Variants in TTN observed in about 807,000 individuals in gnomAD.
TTN encodes connectin.
Under a neutral mutation model 3,223.0 loss-of-function variants are expected in TTN, and 1,525 were observed. The ratio of observed to expected loss-of-function variants is 0.47; its 90% CI spans 0.45 to 0.49. The LOEUF is 0.49. TTN is among the 20% of genes least tolerant of loss of function. The probability of loss-of-function intolerance (pLI) is 0.00; values close to 1 mark genes in which losing one functional copy is unlikely to be tolerated. For synonymous variants in TTN, 14,094 were observed against 15,161.0 expected (o/e 0.93, Z 5.17); for missense variants, 40,786 against 43,424.0 (o/e 0.94, Z 5.40).
In TTN at chr2:178,782,358, T is replaced by C. The variant is rs759917847; in HGVS notation, c.3234A>G (p.Glu1078=). 1.2e-6 allele frequency: 2 copies of C among 1,613,950 alleles called. No individual in the cohort carries two copies. Among genetic ancestry groups the C allele is most frequent in the South Asian group, 2.2e-5 (2 of 91,082 alleles). The change falls in exon 20 of 363, where the codon GAA becomes GAG. Residue 1078 remains glutamate, a synonymous_variant. Coordinates refer to ENST00000589042, the MANE Select transcript of TTN (RefSeq NM_001267550.2). ...SLTEEQAGPG[E]PAAPYFITKP... Reference sequence around the variant, plus strand: ...TTGTAATAAAGTAAGGCGCGGCAGGTTCTCCAGGCCCTGCTTGTTCCTCTG... The same window carrying C: ...TTGTAATAAAGTAAGGCGCGGCAGGCTCTCCAGGCCCTGCTTGTTCCTCTG...
At position 178,719,823 on chromosome 2, in the gene TTN, C is replaced by A. The variant is rs370939248; in HGVS notation, c.23669G>T (p.Arg7890Ile). Residue 7890 changes from arginine (R) to isoleucine (I), a missense_variant, in exon 82 of 363, where the codon AGA (arginine) becomes ATA (isoleucine). By Grantham distance (97) the Arg-to-Ile change is moderately conservative (BLOSUM62 -3). Coordinates refer to ENST00000589042, the MANE Select transcript of TTN (RefSeq NM_001267550.2). ...SAVLTVLEPA[R>I]IIEKPEPMTV... Reference sequence around the variant, plus strand: ...CATGGGTTCGGGCTTCTCTATGATTCTTGCTGGTTCTAAAAGAAGAAGTAT... The same window carrying A: ...CATGGGTTCGGGCTTCTCTATGATTATTGCTGGTTCTAAAAGAAGAAGTAT... 25 of 1,603,304 alleles carry A rather than the reference C, an allele frequency of 1.6e-5. No individual in the cohort carries two copies. Among genetic ancestry groups the A allele is most frequent in the Non-Finnish European group, 1.8e-5 (21 of 1,173,960 alleles).
intron 215 of TTN, 43 bp downstream of exon 215, chr2:178,647,020 CT>C: frequency 1.4e-6 from 1 of 727,882 alleles, no homozygotes. Context: ...TAACAGGAAT[CT>C]TCAGGAGATT....
rs2154304590 is a variant in TTN, at chr2:178,725,930, T to A, written c.20392A>T (p.Lys6798Ter). The change falls in exon 70 of 363, where the codon AAG (lysine) becomes TAG (stop). Residue 6798 changes from lysine (K) to a stop codon, truncating the protein, a stop_gained. Transcript: ENST00000589042. LOFTEE classifies it high-confidence loss of function. The part of the protein sequence containing the change: ...PPFEVVWYKD[K>*]RQLRSSKKYK... Reference sequence around the variant, plus strand: ...TTCTTGCTGCTTCTGAGTTGCCGCTTGTCTTTGTACCATACCACCTCAAAC... The same window carrying A: ...TTCTTGCTGCTTCTGAGTTGCCGCTAGTCTTTGTACCATACCACCTCAAAC... 2 of 1,613,106 alleles carry A rather than the reference T, an allele frequency of 1.2e-6. No individual in the cohort carries two copies. Among genetic ancestry groups the A allele is most frequent in the Non-Finnish European group, 1.7e-6 (2 of 1,179,434 alleles).
At position 178,750,467 on chromosome 2, in the gene TTN, T is replaced by C. The variant is rs749508165; in HGVS notation, c.11311+2657A>G. The C allele has an allele frequency of 6.8e-6, 11 of 1,613,022 alleles. 1 individual carries two copies. In the South Asian group the frequency reaches 1.2e-4, roughly 18 times the overall value. ...ACGTGGGATTGGCATGTCATTGTTA[T>C]ACCACGTCACTATAGGTTGAGGATA... is the stretch of plus-strand genomic sequence containing the variant. On this transcript the variant is annotated intron_variant, in intron 47 of 362. Transcript: ENST00000589042.
chr2:178,631,261 G>A lies in TTN; in HGVS notation c.43787C>T (p.Thr14596Ile). ...AATAACTTCATCTTTCTCTACACCAGTATAATCTTGAAGTTTTCCTGTAAA... is the reference window on the plus strand; with the variant it reads ...AATAACTTCATCTTTCTCTACACCAATATAATCTTGAAGTTTTCCTGTAAA... ...PYFTGKLQDY[T>I]GVEKDEVILQ... The change falls in exon 237 of 363, where the codon ACT (threonine) becomes ATT (isoleucine). Residue 14596 changes from threonine (T) to isoleucine (I), a missense_variant. Thr to Ile is a moderately conservative substitution (Grantham distance 89, BLOSUM62 -1). Transcript: ENST00000589042. The A allele has an allele frequency of 1.2e-6, 2 of 1,611,298 alleles. No individual in the cohort carries two copies. The highest frequency in any genetic ancestry group is 1.7e-6 in the Non-Finnish European group (2 of 1,178,996).
rs778877970 is a variant in TTN, at chr2:178,591,984, G to T, written c.59920C>A (p.Pro19974Thr). 6.2e-7 allele frequency: 1 copy of T among 1,611,930 alleles called. No homozygotes were observed. Among genetic ancestry groups the T allele is most frequent in the African/African-American group, 1.3e-5 (1 of 74,774 alleles). The change falls in exon 302 of 363, where the codon CCT (proline) becomes ACT (threonine). Residue 19974 changes from proline (P) to threonine (T), a missense_variant. Transcript: ENST00000589042. ...TTCAGAGAAAGCAACTTACGGAGAG[G>T]ATCCAAAGCCTTGATTGGTTTTGGT... ...ETPKPIKALD[P>T]LHPPGPPKDL...
At chr2:178,754,903 C>T (rs1561070383) in intron 46 of TTN, among the ~76,000 whole-genome samples, 1 of 152,134 alleles carries the variant, frequency 6.6e-6, no homozygotes, top group Non-Finnish European at 1.5e-5. Context: ...AATCAATAAA[C>T]TGTATTCTCT....
At position 178,613,056 on chromosome 2, in the gene TTN, A is replaced by C. The variant is rs775268267; in HGVS notation, c.49665T>G (p.Pro16555=). 1 of 1,612,610 alleles carries C rather than the reference A, an allele frequency of 6.2e-7. No individual in the cohort carries two copies. Among genetic ancestry groups the C allele is most frequent in the South Asian group, 1.1e-5 (1 of 91,034 alleles). ...IKDPIDPPWP[P]GKPTVKDVGK... is the part of the protein sequence containing the mutation. Reference sequence around the variant, plus strand: ...CTACATCTTTTACAGTTGGTTTTCCAGGGGGCCATGGAGGATCTGCAAGCC... The same window carrying C: ...CTACATCTTTTACAGTTGGTTTTCCCGGGGGCCATGGAGGATCTGCAAGCC... Residue 16555 remains proline, a synonymous_variant, in exon 265 of 363, where the codon CCT becomes CCG. Coordinates refer to ENST00000589042, the MANE Select transcript of TTN (RefSeq NM_001267550.2).
chr2:178,771,854 A>C (rs925316576), intron 33 of TTN, among the ~76,000 whole-genome samples: 1 of 152,184 alleles, frequency 6.6e-6, no homozygotes, highest in Non-Finnish European at 1.5e-5. Context: ...AAATTTGCTA[A>C]ACAAAATGTA....
At position 178,573,428 on chromosome 2, in the gene TTN, G is replaced by A. The variant is rs1477680606; in HGVS notation, c.72704C>T (p.Thr24235Ile). Reference protein sequence around the residue: ...PPKNPEVTTITKDSMVVCWGH... With the variant: ...PPKNPEVTTIIKDSMVVCWGH... ...CCAGCAGACAACCATCGAATCTTTAGTAATAGTTGTCACTTCAGGGTTTTT... is the reference window on the plus strand; with the variant it reads ...CCAGCAGACAACCATCGAATCTTTAATAATAGTTGTCACTTCAGGGTTTTT... The change falls in exon 326 of 363, where the codon ACT becomes ATT. Residue 24235 changes from threonine (T) to isoleucine (I), a missense_variant. Physicochemically the swap from Thr to Ile is moderately conservative, Grantham distance 89 (BLOSUM62 -1). Coordinates refer to ENST00000589042, the MANE Select transcript of TTN (RefSeq NM_001267550.2). 3 of 1,518,592 alleles carry A rather than the reference G, an allele frequency of 2.0e-6. No homozygotes were observed. The highest frequency in any genetic ancestry group is 2.8e-5 in the African/African-American group (2 of 71,694). 94.1% of individuals were successfully genotyped at this position (1,518,592 alleles called of 1,614,324 possible).
Position 178,725,639 on chromosome 2 carries a change from T to C in TTN, c.20565A>G (p.Arg6855=). 1 of 1,580,938 alleles carries C rather than the reference T, an allele frequency of 6.3e-7. No individual in the cohort carries two copies. The highest frequency in any genetic ancestry group is 8.6e-7 in the Non-Finnish European group (1 of 1,162,384). Reference sequence around the variant, plus strand: ...TGAGGCTGTTCAGTTTGGAGACAAATCTTGGTGGTTCTGAACAGGAAAAGA... The same window carrying C: ...TGAGGCTGTTCAGTTTGGAGACAAACCTTGGTGGTTCTGAACAGGAAAAGA... ...VCTVKLKEPP[R]FVSKLNSLTV... Residue 6855 remains arginine (R), a synonymous_variant, in exon 71 of 363, where the codon AGA becomes AGG. Transcript: ENST00000589042.
At position 178,722,291 on chromosome 2, in the gene TTN, G is replaced by A; in HGVS notation, c.22496C>T (p.Thr7499Ile). Residue 7499 changes from threonine (T) to isoleucine (I), a missense_variant, in exon 77 of 363, where the codon ACA becomes ATA. By Grantham distance (89) the Thr-to-Ile change is moderately conservative (BLOSUM62 -1). Coordinates refer to ENST00000589042, the MANE Select transcript of TTN (RefSeq NM_001267550.2). Reference sequence around the variant, plus strand: ...TGTGAGTCTAGCACTAGAAGATGCTGTTCCAAGTGGGTTGGAAGCTGAGCA... The same window carrying A: ...TGTGAGTCTAGCACTAGAAGATGCTATTCCAAGTGGGTTGGAAGCTGAGCA... ...YSCSASNPLG[T>I]ASSSARLTAR... 2 of 1,607,068 alleles carry A rather than the reference G, an allele frequency of 1.2e-6. No homozygotes were observed. The highest frequency in any genetic ancestry group is 1.7e-6 in the Non-Finnish European group (2 of 1,176,532).
chr2:178,759,538 A>G (rs2088387811), intron 43 of TTN, among the ~76,000 whole-genome samples: 1 of 152,218 alleles, frequency 6.6e-6, no homozygotes, highest in Admixed American at 6.5e-5. Flanking sequence ...GTCATCAGGA[A>G]AGGTTTGATC....
rs1254629110 is a variant in TTN at position 178,607,394 on chromosome 2, T to C, written c.53287+7A>G. On this transcript the variant is annotated splice_region_variant and intron_variant, in intron 277 of 362. Coordinates refer to ENST00000589042, the MANE Select transcript of TTN (RefSeq NM_001267550.2). ...AATCCTGTGAAAATCAGTGCAACATTCCTTACCAAAAACTTCTACCCTGGC... is the reference window on the plus strand; with the variant it reads ...AATCCTGTGAAAATCAGTGCAACATCCCTTACCAAAAACTTCTACCCTGGC... 3 of 1,612,900 alleles carry C rather than the reference T, an allele frequency of 1.9e-6. No individual in the cohort carries two copies. The African/African-American group carries it at 4.0e-5, about 22-fold the overall frequency.
In TTN at chr2:178,599,629, C is replaced by T. The variant is rs748163322; in HGVS notation, c.56272G>A (p.Asp18758Asn). 6.2e-7 allele frequency: 1 copy of T among 1,612,042 alleles called. No individual in the cohort carries two copies. Among genetic ancestry groups the T allele is most frequent in the Non-Finnish European group, 8.5e-7 (1 of 1,178,962 alleles). ...TLVIPQSRRS[D>N]TGLYTITAVN... ...GCTGTGATGGTATATAAGCCAGTGT[C>T]ACTCCTGCGAGACTGCGGAATAACT... Residue 18758 changes from aspartate (D) to asparagine (N), a missense_variant, in exon 289 of 363, where the codon GAC (aspartate) becomes AAC (asparagine). Asp to Asn is a conservative substitution (Grantham distance 23, BLOSUM62 1). Coordinates refer to ENST00000589042, the MANE Select transcript of TTN (RefSeq NM_001267550.2).
chr2:178,582,602 T>G lies in TTN; in HGVS notation c.65864-10A>C, dbSNP rs1173316244. On this transcript the variant is annotated splice_polypyrimidine_tract_variant and intron_variant, in intron 313 of 362. Coordinates refer to ENST00000589042, the MANE Select transcript of TTN (RefSeq NM_001267550.2). ...GGAGGACCCGGTTTATCTGAAGGAA[T>G]AAGGAAGAAGAGTGAATATGTGGAA... 3 of 1,594,594 alleles carry G rather than the reference T, an allele frequency of 1.9e-6. No homozygotes were observed. The Admixed American group carries it at 5.1e-5, about 27-fold the overall frequency.
intron 16 of TTN, 60 bp downstream of exon 16, chr2:178,784,010 A>G: frequency 1.9e-6 from 3 of 1,609,966 alleles, no homozygotes; most frequent in Non-Finnish European, 2.5e-6. Flanking sequence ...CAAACTAGCC[A>G]ACCACCTGGC....
Position 178,731,129 on chromosome 2 carries a change from A to G in TTN, c.17536T>C (p.Phe5846Leu). 6.2e-7 allele frequency: 1 copy of G among 1,613,720 alleles called. No homozygotes were observed. ...GCTGTAATCTCCTTAGTCCCTGAAA[A>G]TTTAACCTGCAAAGTGGCTGGGTCT... Reference protein sequence around the residue: ...QGDPATLQVKFSGTKEITAKW... With the variant: ...QGDPATLQVKLSGTKEITAKW... Residue 5846 changes from phenylalanine (F) to leucine (L), a missense_variant, in exon 60 of 363, where the codon TTT (phenylalanine) becomes CTT (leucine). By Grantham distance (22) the Phe-to-Leu change is conservative. Transcript: ENST00000589042.
In TTN at chr2:178,735,800, C is replaced by G. The variant is rs1197344089; in HGVS notation, c.14646G>C (p.Leu4882Phe). ...KFGADICQAELIIIDKPHFIK... is the reference protein window; with the variant it reads ...KFGADICQAEFIIIDKPHFIK... ...TGAAATGTGGCTTATCAATGATGAT[C>G]AACTCTGCTTGGCAGATGTCTGCTC... is the stretch of plus-strand genomic sequence containing the variant. The change falls in exon 50 of 363, where the codon TTG (leucine) becomes TTC (phenylalanine). Residue 4882 changes from leucine (L) to phenylalanine (F), a missense_variant. Coordinates refer to ENST00000589042, the MANE Select transcript of TTN (RefSeq NM_001267550.2). 4 of 1,613,710 alleles carry G rather than the reference C, an allele frequency of 2.5e-6. No individual in the cohort carries two copies. Among genetic ancestry groups the G allele is most frequent in the Non-Finnish European group, 3.4e-6 (4 of 1,179,802 alleles).
Sources: allele counts gnomAD v4.1 joint callset (sites outside exome capture counted in the v4.1 genomes callset), GRCh38; gene constraint gnomAD v4.1.1; transcripts MANE v1.5; gene names NCBI Gene and HGNC (gene_info 2026-07-23, HGNC 2026-07-21).